The following DMD variants were observed in gnomAD, a reference collection of about 807,000 sequenced individuals.
The protein encoded by DMD is dystrophin.
In DMD, 63 loss-of-function variants were observed where a neutral mutation model predicts 330.1. That is an observed-to-expected ratio of 0.19 (90% confidence interval 0.16 to 0.24). The LOEUF (loss-of-function observed/expected upper bound fraction) is 0.24, where lower values mean the gene tolerates loss of function less well. Among genes scored for constraint, DMD ranks in the 10% least tolerant of loss-of-function variants. DMD has a pLI of 1.00. For synonymous variants in DMD, 1,223 were observed against 959.8 expected (o/e 1.27, Z -5.07); for missense variants, 3,344 against 2,684.1 (o/e 1.25, Z -5.43).
intron 60 of DMD, among the ~76,000 whole-genome samples, chrX:31,354,053 A>G (rs2058552857): frequency 8.9e-6 from 1 of 112,098 alleles, no homozygotes; most frequent in Non-Finnish European, 1.9e-5. Flanking sequence ...CTTCAGAACT[A>G]TCCCAGATGG....
intron 67 of DMD, among the ~76,000 whole-genome samples, chrX:31,191,630 T>A (rs977037798): frequency 6.3e-5 from 7 of 111,861 alleles, no homozygotes; most frequent in Non-Finnish European, 1.1e-4. Flanking sequence ...AGGTAAGTTG[T>A]GACTTGCTCC....
At chrX:32,532,483 T>C (rs1309911091) in intron 17 of DMD, among the ~76,000 whole-genome samples, 3 of 112,614 alleles carry the variant, frequency 2.7e-5, no homozygotes, top group Non-Finnish European at 5.6e-5. Flanking sequence ...AAATCCTAGC[T>C]GCGATGCTTC....
At chrX:32,578,986 C>T (rs1173395569) in intron 13 of DMD, among the ~76,000 whole-genome samples, 1 of 111,154 alleles carries the variant, frequency 9.0e-6, no homozygotes, top group Non-Finnish European at 1.9e-5. Flanking sequence ...AACAACTATG[C>T]AGTTAAAACG....
At chrX:31,130,518 A>T (rs2034348605) in intron 77 of DMD, among the ~76,000 whole-genome samples, 2 of 112,365 alleles carry the variant, frequency 1.8e-5, no homozygotes, top group South Asian at 7.4e-4. Context: ...GAGACCAACC[A>T]GAAAGATATA....
chrX:31,202,184 T>TCAAAA (rs1451119991), intron 67 of DMD, among the ~76,000 whole-genome samples: 1 of 111,505 alleles, frequency 9.0e-6, no homozygotes, highest in African/African-American at 3.3e-5. Context: ...AGACTCCATC[T>TCAAAA]CAAAACAAAA....
At chrX:32,907,057 T>A (rs935179395) in intron 2 of DMD, among the ~76,000 whole-genome samples, 3 of 112,121 alleles carry the variant, frequency 2.7e-5, no homozygotes, top group Admixed American at 9.5e-5. Flanking sequence ...ATCATCCAAA[T>A]TCCAGAATAA....
chrX:32,076,052 C>CAAAA (rs59686294), intron 44 of DMD, among the ~76,000 whole-genome samples: 18 of 18,755 alleles, frequency 9.6e-4, no homozygotes, highest in Non-Finnish European at 1.4e-3. Flanking sequence ...GACTCTGTCT[C>CAAAA]AAAAAAAAAA....
At chrX:33,015,199 T>TA (rs35500396) in intron 2 of DMD, among the ~76,000 whole-genome samples, 11,088 of 111,140 alleles carry the variant, frequency 0.1, 753 homozygotes, top group African/African-American at 0.23. Flanking sequence ...CATTCTATTA[T>TA]AAGACACGCA....
chrX:32,708,804 T>C (rs917540809), intron 7 of DMD, among the ~76,000 whole-genome samples: 1 of 111,774 alleles, frequency 8.9e-6, no homozygotes, highest in Non-Finnish European at 1.9e-5. Context: ...GATGGTGTCA[T>C]GGTGGTATCA....
chrX:32,717,883 C>A (rs941975057), intron 7 of DMD, among the ~76,000 whole-genome samples: 2 of 111,665 alleles, frequency 1.8e-5, no homozygotes, highest in African/African-American at 3.3e-5. Context: ...GATTTAATGA[C>A]TACCCTGCTG....
intron 18 of DMD, among the ~76,000 whole-genome samples, chrX:32,506,264 G>T (rs1464053770): frequency 9.0e-6 from 1 of 110,553 alleles, no homozygotes; most frequent in Non-Finnish European, 1.9e-5. Flanking sequence ...GGCAGGCTAT[G>T]TATCTGTGGG....
intron 62 of DMD, among the ~76,000 whole-genome samples, chrX:31,308,104 C>G (rs1426529807): frequency 9.0e-6 from 1 of 111,674 alleles, no homozygotes; most frequent in Admixed American, 9.5e-5. Context: ...AGAGCTCAGG[C>G]AGTAATGTTC....
intron 29 of DMD, among the ~76,000 whole-genome samples, chrX:32,423,898 A>T (rs1274009314): frequency 9.0e-6 from 1 of 111,064 alleles, no homozygotes. Flanking sequence ...TAGGACAAGA[A>T]AAATCCCTTT....
intron 2 of DMD, among the ~76,000 whole-genome samples, chrX:32,921,198 G>A (rs2088361034): frequency 8.9e-6 from 1 of 111,878 alleles, no homozygotes; most frequent in Non-Finnish European, 1.9e-5. Context: ...AATCGAATAA[G>A]TTGGTAGGTT....
chrX:33,266,390 C>A (rs778509783), intron 1 of DMD, among the ~76,000 whole-genome samples: 2 of 111,738 alleles, frequency 1.8e-5, no homozygotes, highest in Non-Finnish European at 3.8e-5. Context: ...CCATTATGTT[C>A]TCTATAGAAA....
At chrX:33,210,758 T>C (rs1311879186) in intron 1 of DMD, among the ~76,000 whole-genome samples, 1 of 111,702 alleles carries the variant, frequency 9.0e-6, no homozygotes, top group African/African-American at 3.2e-5. Flanking sequence ...TTCACATCCT[T>C]CAATTATCCG....
intron 60 of DMD, among the ~76,000 whole-genome samples, chrX:31,412,035 A>G (rs1365705519): frequency 9.3e-6 from 1 of 108,081 alleles, no homozygotes; most frequent in Non-Finnish European, 1.9e-5. Context: ...AAAATACAAA[A>G]ATTAGCCAGG....
At chrX:33,087,415 G>T (rs1324519006) in intron 1 of DMD, among the ~76,000 whole-genome samples, 2 of 111,992 alleles carry the variant, frequency 1.8e-5, no homozygotes, top group Non-Finnish European at 1.9e-5. Flanking sequence ...ATACATATTT[G>T]TGTTGATGAT....
chrX:32,908,216 TATC>T (rs1383540656), intron 2 of DMD, among the ~76,000 whole-genome samples: 1 of 111,935 alleles, frequency 8.9e-6, no homozygotes, highest in Non-Finnish European at 1.9e-5. Context: ...GTGACATTAA[TATC>T]ATCATCAAAC....
Sources: gnomAD v4.1 joint callset for allele counts (sites outside exome capture counted in the v4.1 genomes callset) on GRCh38, gnomAD v4.1.1 for gene constraint, MANE v1.5 for transcripts, NCBI Gene and HGNC (gene_info 2026-07-23, HGNC 2026-07-21) for gene names.